Variants in SYT3 observed in about 807,000 individuals in gnomAD.
The protein encoded by SYT3 is synaptotagmin 3, also known as synaptotagmin-3.
A neutral mutation model predicts 50.6 loss-of-function variants in SYT3; 25 were observed. That is an observed-to-expected ratio of 0.49 (90% CI 0.36 to 0.69). SYT3 has a LOEUF of 0.69. Ranked by LOEUF, SYT3 falls within the 30% of genes least tolerant of loss-of-function variation. The pLI is 0.00. For synonymous variants in SYT3, 323 were observed against 353.9 expected (o/e 0.91, Z 0.98); for missense variants, 589 against 793.6 (o/e 0.74, Z 3.10).
At chr19:50,650,176 G>A in the SYT3 span, among the ~76,000 whole-genome samples, 1 of 152,100 alleles carries the variant, frequency 6.6e-6, no homozygotes, top group African/African-American at 2.4e-5. Context: ...CTAGCTTCCT[G>A]TCACCTCTAG....
At position 50,625,497 on chromosome 19, in the gene SYT3, C is replaced by A. The variant is rs769537404; in HGVS notation, c.1470G>T (p.Lys490Asn). 6.2e-7 allele frequency: 1 copy of A among 1,610,440 alleles called. No individual in the cohort carries two copies. The highest frequency in any genetic ancestry group is 8.5e-7 in the Non-Finnish European group (1 of 1,178,682). Residue 490 changes from lysine (K) to asparagine (N), a missense_variant, in exon 8 of 11, where the codon AAG becomes AAT. By Grantham distance (94) the Lys-to-Asn change is moderately conservative (BLOSUM62 0). Transcript: ENST00000600079. This position sits in a 1 kb window ranked among gnomAD's most constrained non-coding sequence, Gnocchi z 7.5. ...TATAGGTGGGGTTCAGCGTGTTCTTCTTGATGGAGGTTTTCCGCTTCTTCA... is the reference window on the plus strand; with the variant it reads ...TATAGGTGGGGTTCAGCGTGTTCTTATTGATGGAGGTTTTCCGCTTCTTCA... ...RRLKKRKTSIKKNTLNPTYNE... is the reference protein window; with the variant it reads ...RRLKKRKTSINKNTLNPTYNE...
intron 4 of SYT3, 75 bp from the exon 5 acceptor site, chr19:50,630,246 C>A: frequency 7.2e-7 from 1 of 1,391,384 alleles, no homozygotes; most frequent in Non-Finnish European, 9.5e-7. Context: ...ACCTGGGAGA[C>A]TCCTCCCTGC....
chr19:50,653,682 GCACACACACA>G, the SYT3 span, among the ~76,000 whole-genome samples: 21,447 of 121,700 alleles, frequency 0.18, 1,995 homozygotes, highest in Non-Finnish European at 0.19. Flanking sequence ...ATGAGAGACA[GCACACACACA>G]CACACACACA....
chr19:50,649,380 G>A, the SYT3 span: 1 of 1,484,188 alleles, frequency 6.7e-7, no homozygotes, highest in South Asian at 1.2e-5. Context: ...AGGAGCTGGG[G>A]TGGGTGGCCC....
chr19:50,625,269 C>T lies in SYT3; in HGVS notation c.1600G>A (p.Val534Met), dbSNP rs753605562. The change falls in exon 9 of 11, where the codon GTG (valine) becomes ATG (methionine). Residue 534 changes from valine (V) to methionine (M), a missense_variant. Physicochemically the swap from Val to Met is conservative, Grantham distance 21 (BLOSUM62 1). Coordinates refer to ENST00000600079, the MANE Select transcript of SYT3 (RefSeq NM_001160329.2). The surrounding 1 kb of genome is among the most constrained non-coding windows in gnomAD (Gnocchi z 7.5). ...GCAGCGTCGGGGCCCACACGGCACA[C>T]GCCGATCACCTCGTTGTGCCCGATG... ...DCIGHNEVIG[V>M]CRVGPDAADP... 9.7e-6 allele frequency: 15 copies of T among 1,546,498 alleles called. No homozygotes were observed. Among genetic ancestry groups the T allele is most frequent in the Middle Eastern group, 1.7e-4 (1 of 5,968 alleles).
chr19:50,640,803 C>T (rs1165730036), upstream of SYT3, among the ~76,000 whole-genome samples: 1 of 152,194 alleles, frequency 6.6e-6, no homozygotes, highest in Non-Finnish European at 1.5e-5. Flanking sequence ...CAAAGCTGTC[C>T]TGTGCTGCAT....
chr19:50,635,713 A>G (rs528549834), intron 3 of SYT3, among the ~76,000 whole-genome samples: 3 of 152,298 alleles, frequency 2.0e-5, no homozygotes, highest in East Asian at 1.9e-4. Flanking sequence ...TCAGTCACGT[A>G]TATGAGGCCG....
intron 4 of SYT3, among the ~76,000 whole-genome samples, chr19:50,630,669 C>T (rs577501285): frequency 3.3e-5 from 5 of 152,074 alleles, no homozygotes; most frequent in South Asian, 2.1e-4. Flanking sequence ...ATGATCTGCC[C>T]GCCTCGGCCT....
intron 6 of SYT3, among the ~76,000 whole-genome samples, chr19:50,627,259 C>T (rs558494625): frequency 2.1e-3 from 321 of 152,338 alleles, no homozygotes; most frequent in Admixed American, 3.7e-3. Context: ...GGCCTTTGAG[C>T]CTCCCCTCGT....
In SYT3 at chr19:50,629,394, C is replaced by G; in HGVS notation, c.1181G>C (p.Arg394Pro). 1 of 1,613,954 alleles carries G rather than the reference C, an allele frequency of 6.2e-7. No individual in the cohort carries two copies. The highest frequency in any genetic ancestry group is 1.7e-5 in the Admixed American group (1 of 60,006). The part of the protein sequence containing the change: ...FSVYDFDRFS[R>P]HDLIGQVVLD... ...CACCACCTGGCCGATGAGGTCGTGCCGCGAGAAGCGGTCAAAGTCATAGAC... is the reference window on the plus strand; with the variant it reads ...CACCACCTGGCCGATGAGGTCGTGCGGCGAGAAGCGGTCAAAGTCATAGAC... Residue 394 changes from arginine to proline, a missense_variant, in exon 6 of 11, where the codon CGG (arginine) becomes CCG (proline). Physicochemically the swap from Arg to Pro is moderately radical, Grantham distance 103 (BLOSUM62 -2). Coordinates refer to ENST00000600079, the MANE Select transcript of SYT3 (RefSeq NM_001160329.2).
chr19:50,632,445 G>C lies in SYT3; in HGVS notation c.515C>G (p.Ala172Gly), dbSNP rs778815816. 6.2e-7 allele frequency: 1 copy of C among 1,613,372 alleles called. No individual in the cohort carries two copies. Residue 172 changes from alanine to glycine, a missense_variant, in exon 4 of 11, where the codon GCA (alanine) becomes GGA (glycine). By Grantham distance (60) the Ala-to-Gly change is moderately conservative. Coordinates refer to ENST00000600079, the MANE Select transcript of SYT3 (RefSeq NM_001160329.2). The surrounding 1 kb of genome is among the most constrained non-coding windows in gnomAD (Gnocchi z 4.7). ...LDMDSYPEAAAAAVAAGVKPS... is the reference protein window; with the variant it reads ...LDMDSYPEAAGAAVAAGVKPS... Reference sequence around the variant, plus strand: ...TTTGACCCCAGCGGCCACTGCTGCTGCTGCAGCCTCTGGATACGAGTCCAT... The same window carrying C: ...TTTGACCCCAGCGGCCACTGCTGCTCCTGCAGCCTCTGGATACGAGTCCAT...
At chr19:50,627,061 G>A (rs966206391) in intron 6 of SYT3, among the ~76,000 whole-genome samples, 6 of 152,110 alleles carry the variant, frequency 3.9e-5, no homozygotes, top group Non-Finnish European at 8.8e-5. Flanking sequence ...AACCTCCACC[G>A]AAGTTTCCAG....
chr19:50,648,920 G>A, the SYT3 span, among the ~76,000 whole-genome samples: 1 of 151,916 alleles, frequency 6.6e-6, no homozygotes, highest in Non-Finnish European at 1.5e-5. Context: ...AAGGAGACTG[G>A]TGAGAGGTGG....
the SYT3 span, among the ~76,000 whole-genome samples, chr19:50,654,606 C>T: frequency 1.3e-5 from 2 of 150,106 alleles, no homozygotes; most frequent in Non-Finnish European, 3.0e-5. Flanking sequence ...TCCGTCCCTC[C>T]CTCCCTCCCT....
At chr19:50,627,221 C>A (rs904373036) in intron 6 of SYT3, among the ~76,000 whole-genome samples, 1 of 152,176 alleles carries the variant, frequency 6.6e-6, no homozygotes, top group African/African-American at 2.4e-5. Flanking sequence ...GTCCCTCTGC[C>A]AGAACACTCT....
At chr19:50,657,014 G>A in the SYT3 span, among the ~76,000 whole-genome samples, 1 of 150,848 alleles carries the variant, frequency 6.6e-6, no homozygotes, top group Non-Finnish European at 1.5e-5. Context: ...GGAAAGGAAA[G>A]GAAAGGAAGG....
the SYT3 span, among the ~76,000 whole-genome samples, chr19:50,654,544 G>A: frequency 4.6e-5 from 7 of 151,748 alleles, no homozygotes; most frequent in South Asian, 1.0e-3. Flanking sequence ...TGATCTGCCC[G>A]CTTCAGCCTC....
At chr19:50,651,549 A>C in the SYT3 span, among the ~76,000 whole-genome samples, 1 of 152,128 alleles carries the variant, frequency 6.6e-6, no homozygotes, top group Non-Finnish European at 1.5e-5. Flanking sequence ...TCCAAGGCAC[A>C]CAGGGGCCCT....
chr19:50,622,957 A>G (rs936610463), intron 9 of SYT3, among the ~76,000 whole-genome samples: 3 of 140,172 alleles, frequency 2.1e-5, no homozygotes, highest in African/African-American at 8.1e-5. Context: ...AGTCTCTGCA[A>G]ATGCGAGGAG....
Sources: gnomAD v4.1 joint callset for allele counts (sites outside exome capture counted in the v4.1 genomes callset) on GRCh38, gnomAD v4.1.1 for gene constraint, Gnocchi (gnomAD v3.1) non-coding constraint, MANE v1.5 for transcripts, NCBI Gene and HGNC (gene_info 2026-07-23, HGNC 2026-07-21) for gene names.